Variants in TLN2 observed in about 807,000 individuals in gnomAD.
The protein encoded by TLN2 is talin-2.
A neutral mutation model predicts 294.7 loss-of-function variants in TLN2; 118 were observed. The ratio of observed to expected loss-of-function variants is 0.40; its 90% CI spans 0.34 to 0.47. The LOEUF is 0.47. Ranked by LOEUF, TLN2 falls within the 20% of genes least tolerant of loss-of-function variation. The probability of loss-of-function intolerance (pLI) is 0.84; values close to 1 mark genes in which losing one functional copy is unlikely to be tolerated. For missense variants in TLN2, 3,083 were observed against 3,282.2 expected (o/e 0.94, Z 1.48); for synonymous variants, 1,431 against 1,304.5 (o/e 1.10, Z -2.09).
At chr15:62,559,604 G>A (rs1240326879) in intron 1 of TLN2, among the ~76,000 whole-genome samples, 6 of 152,214 alleles carry the variant, frequency 3.9e-5, no homozygotes, top group Non-Finnish European at 5.9e-5. Flanking sequence ...CTAGCTCTGA[G>A]GTAGCACTGT....
chr15:62,496,636 A>C (rs1343844683), intron 1 of TLN2, among the ~76,000 whole-genome samples: 1 of 152,196 alleles, frequency 6.6e-6, no homozygotes, highest in East Asian at 1.9e-4. Flanking sequence ...ATGTGGTATG[A>C]TCAGTGCCTG....
intron 1 of TLN2, among the ~76,000 whole-genome samples, chr15:62,524,514 G>A (rs912186305): frequency 2.0e-5 from 3 of 152,148 alleles, no homozygotes; most frequent in African/African-American, 7.2e-5. Flanking sequence ...AAAGCCAGTC[G>A]TTTCTCCTTT....
At chr15:62,714,047 T>G (rs1431660674) in intron 22 of TLN2, among the ~76,000 whole-genome samples, 4 of 151,568 alleles carry the variant, frequency 2.6e-5, no homozygotes, top group Non-Finnish European at 5.9e-5. Flanking sequence ...AATCTTATGT[T>G]CATAAAAAAT....
At chr15:62,418,977 CAG>C (rs2034238025) in intron 1 of TLN2, among the ~76,000 whole-genome samples, 1 of 152,132 alleles carries the variant, frequency 6.6e-6, no homozygotes, top group Admixed American at 6.5e-5. Context: ...AGAGGCCTGA[CAG>C]AAAACTTTTA....
chr15:62,778,235 T>C (rs1449673593), intron 43 of TLN2, among the ~76,000 whole-genome samples: 2 of 152,226 alleles, frequency 1.3e-5, no homozygotes, highest in African/African-American at 2.4e-5. Context: ...GGCTCTACTT[T>C]GTCAAATCAT....
At chr15:62,418,874 CTA>C (rs1228234616) in intron 1 of TLN2, among the ~76,000 whole-genome samples, 2 of 152,180 alleles carry the variant, frequency 1.3e-5, no homozygotes, top group African/African-American at 4.8e-5. Flanking sequence ...TCAGTTAAGA[CTA>C]TTTTCACTTC....
chr15:62,596,987 A>G (rs1399236670), intron 2 of TLN2, among the ~76,000 whole-genome samples: 1 of 152,062 alleles, frequency 6.6e-6, no homozygotes, highest in South Asian at 2.1e-4. Flanking sequence ...GTCAATCTTA[A>G]AGGCTGTTTC....
At chr15:62,495,369 A>G (rs1477208578) in intron 1 of TLN2, among the ~76,000 whole-genome samples, 1 of 152,200 alleles carries the variant, frequency 6.6e-6, no homozygotes, top group African/African-American at 2.4e-5. Flanking sequence ...ATGCCACTAG[A>G]GAGGGGGCAG....
chr15:62,579,968 A>T lies in TLN2; in HGVS notation c.-237-9719A>T, dbSNP rs931266404. 2.6e-5 allele frequency among the ~76,000 whole-genome samples: 4 copies of T among 152,094 alleles called. No homozygotes were observed. In the East Asian group the frequency reaches 7.7e-4, roughly 29 times the overall value. On this transcript the variant is annotated intron_variant, in intron 1 of 58. Coordinates refer to ENST00000636159, the MANE Select transcript of TLN2 (RefSeq NM_015059.3). ...GCACCTGTTCAACCCGAGTGCTCTG[A>T]TACAGTCAAAGGATCTCTACCTGGC... is the stretch of plus-strand genomic sequence containing the variant.
chr15:62,712,582 G>A (rs74805049), intron 22 of TLN2, among the ~76,000 whole-genome samples: 3,736 of 152,212 alleles, frequency 0.025, 76 homozygotes, highest in Middle Eastern at 0.058. Context: ...CTTTTTGACA[G>A]CTGTGCTATA....
chr15:62,680,049 C>G (rs1051678310), intron 11 of TLN2, among the ~76,000 whole-genome samples: 4 of 152,212 alleles, frequency 2.6e-5, no homozygotes, highest in African/African-American at 9.7e-5. Flanking sequence ...TGTCCCTCTG[C>G]TAATCACACT....
chr15:62,625,614 G>C (rs529901986), intron 3 of TLN2, among the ~76,000 whole-genome samples: 1 of 152,196 alleles, frequency 6.6e-6, no homozygotes, highest in African/African-American at 2.4e-5. Flanking sequence ...GCACGCAGGC[G>C]AGGGCTGGGG....
At chr15:62,724,929 C>G in intron 26 of TLN2, 47 bp from the exon 27 acceptor site, 2 of 1,567,548 alleles carry the variant, frequency 1.3e-6, no homozygotes, top group Non-Finnish European at 1.7e-6. Flanking sequence ...GTTGGGGACA[C>G]TTTTCCCAAG....
At chr15:62,640,041 C>T (rs2050834342) in intron 3 of TLN2, 4 of 406,988 alleles carry the variant, frequency 9.8e-6, no homozygotes, top group Non-Finnish European at 2.0e-5. Flanking sequence ...ATGTTCAAGG[C>T]AAGCTTCAGG....
chr15:62,572,237 C>CT (rs965806302), intron 1 of TLN2, among the ~76,000 whole-genome samples: 52 of 146,740 alleles, frequency 3.5e-4, no homozygotes, highest in South Asian at 8.7e-4. Context: ...TTGTCACCTC[C>CT]TTTTTTTTTT....
At position 62,571,611 on chromosome 15, in the gene TLN2, T is replaced by C. The variant is rs919175039; in HGVS notation, c.-237-18076T>C. ...CCTCCTGTTTGTTTTTAGTTTGTTA[T>C]TGGGAATTCTAAACATCTGCAGGAG... On this transcript the variant is annotated intron_variant, in intron 1 of 58. Transcript: ENST00000636159. Among the ~76,000 whole-genome samples the C allele has an allele frequency of 4.6e-5, 7 of 152,134 alleles. No homozygotes were observed. In the East Asian group the frequency reaches 1.2e-3, roughly 25 times the overall value.
rs1038072044 is a variant in TLN2 at position 62,644,214 on chromosome 15, T to C, written c.-36-3061T>C. ...CAATTTGCCAGATTCAGTTGCAATG[T>C]CTCAGTTGCATTTTACCTGACCTGT... On this transcript the variant is annotated intron_variant, in intron 3 of 58. Coordinates refer to ENST00000636159, the MANE Select transcript of TLN2 (RefSeq NM_015059.3). 3.7e-4 allele frequency among the ~76,000 whole-genome samples: 53 copies of C among 144,324 alleles called. 1 individual carries two copies. Among genetic ancestry groups the C allele is most frequent in the African/African-American group, 1.1e-3 (45 of 39,150 alleles). 94.7% of individuals were successfully genotyped at this position (144,324 alleles called of 152,430 possible).
chr15:62,747,643 AG>A (rs1418812863), intron 32 of TLN2, among the ~76,000 whole-genome samples: 2 of 152,170 alleles, frequency 1.3e-5, no homozygotes, highest in Non-Finnish European at 2.9e-5. Flanking sequence ...TAGCTTTCTT[AG>A]GAGAACTACA....
intron 2 of TLN2, among the ~76,000 whole-genome samples, chr15:62,595,152 G>C (rs2046382575): frequency 6.6e-6 from 1 of 152,206 alleles, no homozygotes; most frequent in African/African-American, 2.4e-5. Context: ...GCTGGGTGCG[G>C]TGGCTCACGC....
Sources: gnomAD v4.1 joint callset for allele counts (sites outside exome capture counted in the v4.1 genomes callset) on GRCh38, gnomAD v4.1.1 for gene constraint, MANE v1.5 for transcripts, NCBI Gene and HGNC (gene_info 2026-07-23, HGNC 2026-07-21) for gene names.